Variants in KIF26A observed in about 807,000 individuals in gnomAD.
The protein encoded by KIF26A is kinesin-like protein KIF26A.
Under a neutral mutation model 126.0 loss-of-function variants are expected in KIF26A, and 74 were observed. That is an observed-to-expected ratio of 0.59 (90% CI 0.49 to 0.71). The LOEUF (loss-of-function observed/expected upper bound fraction) is 0.71, where lower values mean the gene tolerates loss of function less well. Among genes scored for constraint, KIF26A ranks in the 30% least tolerant of loss-of-function variants. KIF26A has a pLI of 0.00. For missense variants in KIF26A, 2,984 were observed against 2,763.3 expected, an observed-to-expected ratio of 1.08 and a Z score of -1.79; for synonymous variants, 1,445 against 1,232.7, an observed-to-expected ratio of 1.17 and a Z score of -3.61.
At chr14:104,150,203 A>AT (rs1566855609) in intron 2 of KIF26A, among the ~76,000 whole-genome samples, 2 of 22,796 alleles carry the variant, frequency 8.8e-5, no homozygotes, top group African/African-American at 1.5e-4. Flanking sequence ...CCCCTCCCCC[A>AT]CCCCCTCCTC....
chr14:104,150,319 G>A (rs368926233), intron 2 of KIF26A, among the ~76,000 whole-genome samples: 1 of 151,448 alleles, frequency 6.6e-6, no homozygotes, highest in East Asian at 2.0e-4. Flanking sequence ...GGGACCAGAC[G>A]CGCCAGGCAC....
rs565624616 is a variant in KIF26A, at chr14:104,152,512, G to A, written c.735+51G>A. On this transcript the variant is annotated intron_variant, in intron 3 of 14. Coordinates refer to ENST00000423312, the MANE Select transcript of KIF26A (RefSeq NM_015656.2). This position sits in a 1 kb window ranked among gnomAD's most constrained non-coding sequence, Gnocchi z 5.9. ...AGCTGCTGGCCTCCTTGTCAGAACT[G>A]GGCTTCCTTCGGGGGTCTCTGTCCA... The A allele has an allele frequency of 1.6e-5, 23 of 1,482,278 alleles. No individual in the cohort carries two copies. In the South Asian group the frequency reaches 2.5e-4, roughly 16 times the overall value. 91.8% of individuals were successfully genotyped at this position (1,482,278 alleles called of 1,614,324 possible).
At position 104,151,420 on chromosome 14, in the gene KIF26A, C is replaced by T. The variant is rs1179008663; in HGVS notation, c.289-595C>T. ...GCGGGGGGTGGGGCCCTGGGCTGTACCCGATCCTGCGGCTCTTGCGCCCCT... is the reference window on the plus strand; with the variant it reads ...GCGGGGGGTGGGGCCCTGGGCTGTATCCGATCCTGCGGCTCTTGCGCCCCT... On this transcript the variant is annotated intron_variant, in intron 2 of 14. Coordinates refer to ENST00000423312, the MANE Select transcript of KIF26A (RefSeq NM_015656.2). The surrounding 1 kb of genome is among the most constrained non-coding windows in gnomAD (Gnocchi z 4.9). Among the ~76,000 whole-genome samples, 4 of 152,196 alleles carry T rather than the reference C, an allele frequency of 2.6e-5. No homozygotes were observed. Among genetic ancestry groups the T allele is most frequent in the African/African-American group, 9.7e-5 (4 of 41,446 alleles).
At chr14:104,179,193 G>T (rs2038072092) in intron 13 of KIF26A, 43 bp from the exon 14 acceptor site, 2 of 1,422,392 alleles carry the variant, frequency 1.4e-6, no homozygotes, top group Admixed American at 2.8e-5. Flanking sequence ...GGTCTCTGGG[G>T]AGAGGGTCCC....
At chr14:104,156,033 G>A (rs1052687321) in intron 3 of KIF26A, among the ~76,000 whole-genome samples, 4 of 152,218 alleles carry the variant, frequency 2.6e-5, no homozygotes, top group Admixed American at 6.5e-5. Flanking sequence ...TGGTGCCATC[G>A]CGACGAGCCA....
intron 2 of KIF26A, among the ~76,000 whole-genome samples, chr14:104,140,212 T>G (rs958160383): frequency 1.3e-5 from 2 of 152,088 alleles, no homozygotes; most frequent in Non-Finnish European, 2.9e-5. Flanking sequence ...CAGTCTGGTT[T>G]CTGTCCTGGG....
intron 2 of KIF26A, among the ~76,000 whole-genome samples, chr14:104,146,704 C>T (rs770337778): frequency 6.6e-5 from 10 of 152,180 alleles, no homozygotes; most frequent in African/African-American, 9.7e-5. Flanking sequence ...TCCCGGCATC[C>T]GGACGGCTCC....
At chr14:104,167,801 C>T (rs757454183) in intron 5 of KIF26A, among the ~76,000 whole-genome samples, 10 of 152,134 alleles carry the variant, frequency 6.6e-5, no homozygotes, top group Non-Finnish European at 1.3e-4. Context: ...TCCTGCCCCT[C>T]GGCCTGCTCT....
rs2038083360 is a variant in KIF26A, at chr14:104,179,903, C to A, written c.*113C>A. 1 of 1,134,862 alleles carries A rather than the reference C, an allele frequency of 8.8e-7. No homozygotes were observed. 70.3% of individuals were successfully genotyped at this position (1,134,862 alleles called of 1,614,324 possible). On this transcript the variant is annotated 3_prime_UTR_variant, in exon 15 of 15. Coordinates refer to ENST00000423312, the MANE Select transcript of KIF26A (RefSeq NM_015656.2). ...GGGAGGATGCGGAGGGGTTTCTGTG[C>A]AGGACGGGAGTCTCAGAGAGGAGAC... is the stretch of plus-strand genomic sequence containing the variant.
At chr14:104,145,827 G>A (rs10148693) in intron 2 of KIF26A, among the ~76,000 whole-genome samples, 2,031 of 152,296 alleles carry the variant, frequency 0.013, 53 homozygotes, top group African/African-American at 0.046. Context: ...CCTGAGCAAG[G>A]CTGAAAGGCC....
intron 4 of KIF26A, among the ~76,000 whole-genome samples, chr14:104,162,441 A>G (rs922211416): frequency 1.3e-5 from 2 of 152,124 alleles, no homozygotes; most frequent in Admixed American, 6.5e-5. Context: ...GGGTCACTGG[A>G]GGGGCAGAGC....
intron 4 of KIF26A, among the ~76,000 whole-genome samples, chr14:104,165,845 G>GCA (rs2037892835): frequency 5.4e-5 from 8 of 148,432 alleles, no homozygotes; most frequent in South Asian, 2.1e-4. Flanking sequence ...GTTTCTGTGT[G>GCA]TGTCTGTGTG....
At chr14:104,146,355 G>A (rs921307025) in intron 2 of KIF26A, among the ~76,000 whole-genome samples, 10 of 152,102 alleles carry the variant, frequency 6.6e-5, no homozygotes, top group Non-Finnish European at 1.2e-4. Context: ...TGGTGTTGTG[G>A]GAGGGGCTGT....
At chr14:104,179,585 C>T (rs999762237) in intron 14 of KIF26A, 24 bp from the exon 15 acceptor site, 1 of 1,487,850 alleles carries the variant, frequency 6.7e-7, no homozygotes, top group Non-Finnish European at 9.0e-7. Context: ...CGCAGGTGCC[C>T]CTCCCCTCTC....
rs921759810 is a variant in KIF26A at position 104,176,895 on chromosome 14, C to T, written c.4107C>T (p.Ser1369=). ...CCCCGGCCCCACCCACGCGGAAGTC[C>T]AGCCTGGAGCAGAGGAGCAGCCCGG... ...AAPPAPPTRK[S]SLEQRSSPAS... is the part of the protein sequence containing the mutation. Residue 1369 remains serine, a synonymous_variant, in exon 12 of 15, where the codon TCC becomes TCT. Coordinates refer to ENST00000423312, the MANE Select transcript of KIF26A (RefSeq NM_015656.2). 16 of 1,540,490 alleles carry T rather than the reference C, an allele frequency of 1.0e-5. No homozygotes were observed. In the East Asian group the frequency reaches 1.5e-4, roughly 14 times the overall value.
chr14:104,143,917 C>CGG (rs1238102308), intron 2 of KIF26A, among the ~76,000 whole-genome samples: 2 of 152,186 alleles, frequency 1.3e-5, no homozygotes, highest in Non-Finnish European at 2.9e-5. Flanking sequence ...GGCTGGCAGG[C>CGG]GGGGCACTGG....
Position 104,171,910 on chromosome 14 carries a change from C to T in KIF26A, c.1301C>T (p.Ala434Val). 1 of 1,555,346 alleles carries T rather than the reference C, an allele frequency of 6.4e-7. No homozygotes were observed. The highest frequency in any genetic ancestry group is 8.7e-7 in the Non-Finnish European group (1 of 1,150,434). Residue 434 changes from alanine to valine, a missense_variant, in exon 6 of 15, where the codon GCC (alanine) becomes GTC (valine). Physicochemically the swap from Ala to Val is moderately conservative, Grantham distance 64 (BLOSUM62 0). Transcript: ENST00000423312. The stretch of plus-strand genomic sequence containing the variant: ...GTTCCCAAGATGTTTGCCTTCGATG[C>T]CGTCTTCCCCCAGGACTCCGAGCAG... ...AAVPKMFAFD[A>V]VFPQDSEQAE... is the part of the protein sequence containing the mutation.
At position 104,139,056 on chromosome 14, in the gene KIF26A, G is replaced by A. The variant is rs1007568953; in HGVS notation, c.56G>A (p.Gly19Asp). The part of the protein sequence containing the change: ...CAAQPAVAEG[G>D]PAREPPPLLE... Reference sequence around the variant, plus strand: ...CACACCCTGCAGGTGGCCGAGGGCGGCCCGGCCCGCGAGCCGCCGCCGCTG... The same window carrying A: ...CACACCCTGCAGGTGGCCGAGGGCGACCCGGCCCGCGAGCCGCCGCCGCTG... Residue 19 changes from glycine to aspartate, a missense_variant, in exon 2 of 15, where the codon GGC becomes GAC. Gly to Asp is a moderately conservative substitution (Grantham distance 94). Transcript: ENST00000423312. 1.0e-5 allele frequency: 14 copies of A among 1,373,862 alleles called. No homozygotes were observed. Among genetic ancestry groups the A allele is most frequent in the Non-Finnish European group, 1.3e-5 (14 of 1,071,670 alleles). 85.1% of individuals were successfully genotyped at this position (1,373,862 alleles called of 1,614,324 possible). A position where few individuals can be genotyped will look rare whatever the true frequency, so the allele number is the denominator to read the frequency against.
intron 5 of KIF26A, among the ~76,000 whole-genome samples, chr14:104,167,712 T>C (rs1246675046): frequency 1.3e-5 from 2 of 152,166 alleles, no homozygotes; most frequent in African/African-American, 2.4e-5. Flanking sequence ...CGTGGGCCCA[T>C]TGAGTCAGGT....
Sources: gnomAD v4.1 joint callset for allele counts (sites outside exome capture counted in the v4.1 genomes callset) on GRCh38, gnomAD v4.1.1 for gene constraint, Gnocchi (gnomAD v3.1) non-coding constraint, MANE v1.5 for transcripts, NCBI Gene and HGNC (gene_info 2026-07-23, HGNC 2026-07-21) for gene names.